EML6: variants seen among roughly 807,000 people sequenced by gnomAD.
EML6 encodes EMAP like 6, also known as echinoderm microtubule-associated protein-like 6.
EML6 carries 154 observed loss-of-function variants against 240.1 expected under a neutral mutation model. The observed-to-expected ratio is 0.64, with a 90% CI of 0.56 to 0.73. The LOEUF is 0.73. EML6 is among the 30% of genes least tolerant of loss of function. EML6 has a pLI of 0.00. For missense variants in EML6, 2,964 were observed against 2,474.6 expected (o/e 1.20, Z -4.20); for synonymous variants, 1,148 against 899.0 (o/e 1.28, Z -4.95).
intron 2 of EML6, among the ~76,000 whole-genome samples, chr2:54,772,968 G>C (rs1668459560): frequency 6.6e-6 from 1 of 152,230 alleles, no homozygotes; most frequent in African/African-American, 2.4e-5. Context: ...TGAGAGCTTA[G>C]GTGTTGGTTA....
At chr2:54,855,745 A>G (rs1002171463) in intron 11 of EML6, among the ~76,000 whole-genome samples, 3 of 152,132 alleles carry the variant, frequency 2.0e-5, no homozygotes, top group African/African-American at 7.2e-5. Context: ...TTCATGACAC[A>G]TGGCTTATAA....
intron 26 of EML6, among the ~76,000 whole-genome samples, chr2:54,918,271 A>G (rs554554472): frequency 6.6e-6 from 1 of 152,212 alleles, no homozygotes; most frequent in Non-Finnish European, 1.5e-5. Flanking sequence ...AGAAAAAAAG[A>G]CAGACTGGAA....
At chr2:54,823,959 GT>G (rs1668465136) in intron 5 of EML6, among the ~76,000 whole-genome samples, 1 of 150,650 alleles carries the variant, frequency 6.6e-6, no homozygotes, top group Non-Finnish European at 1.5e-5. Flanking sequence ...ATGGAACCCA[GT>G]AGGGGCACAA....
At position 54,871,485 on chromosome 2, in the gene EML6, A is replaced by C. The variant is rs1403781227; in HGVS notation, c.2239-15A>C. Reference sequence around the variant, plus strand: ...AACGTGTTAGTAGTTAATAACAGTCATTCTGTTATTTAAGGTTGGAAGAGA... The same window carrying C: ...AACGTGTTAGTAGTTAATAACAGTCCTTCTGTTATTTAAGGTTGGAAGAGA... On this transcript the variant is annotated splice_polypyrimidine_tract_variant and intron_variant, in intron 15 of 41. Transcript: ENST00000356458. The C allele has an allele frequency of 1.3e-6, 2 of 1,504,316 alleles. No homozygotes were observed. The highest frequency in any genetic ancestry group is 1.8e-6 in the Non-Finnish European group (2 of 1,103,480). The allele number at this position is 1,504,316 out of a possible 1,614,324, so 93.2% of individuals were successfully genotyped here.
At chr2:54,799,209 C>T (rs924122380) in intron 2 of EML6, among the ~76,000 whole-genome samples, 2 of 152,088 alleles carry the variant, frequency 1.3e-5, no homozygotes, top group Non-Finnish European at 2.9e-5. Context: ...TACAGGTGTG[C>T]ACCACCATGC....
intron 12 of EML6, among the ~76,000 whole-genome samples, chr2:54,862,084 C>G (rs1178648280): frequency 6.6e-6 from 1 of 151,784 alleles, no homozygotes; most frequent in African/African-American, 2.4e-5. Flanking sequence ...GACTGTAATC[C>G]CAGCACTTTG....
At chr2:54,755,249 C>T (rs914125487) in intron 2 of EML6, among the ~76,000 whole-genome samples, 3 of 152,202 alleles carry the variant, frequency 2.0e-5, no homozygotes, top group African/African-American at 7.2e-5. Flanking sequence ...CTTGCACTGA[C>T]GCCACGCTGT....
chr2:54,867,910 C>G (rs181864549), intron 14 of EML6: 2 of 152,072 alleles, frequency 1.3e-5, no homozygotes, highest in Admixed American at 6.5e-5. Flanking sequence ...CCATGTCATA[C>G]CCTCTGCAAG....
chr2:54,871,610 G>A lies in EML6; in HGVS notation c.2344+5G>A. The A allele has an allele frequency of 6.5e-7, 1 of 1,539,362 alleles. No individual in the cohort carries two copies. Among genetic ancestry groups the A allele is most frequent in the Non-Finnish European group, 8.8e-7 (1 of 1,135,692 alleles). ...TGTGTGCACTTGATTTTTCAGGTAA[G>A]GTCCAGAGTGATTGACACATGGTTC... On this transcript the variant is annotated splice_donor_5th_base_variant and intron_variant, in intron 16 of 41. Coordinates refer to ENST00000356458, the MANE Select transcript of EML6 (RefSeq NM_001039753.4).
At chr2:54,958,065 C>T in intron 33 of EML6, 67 bp downstream of exon 33, 3 of 1,394,548 alleles carry the variant, frequency 2.2e-6, no homozygotes, top group Non-Finnish European at 2.9e-6. Context: ...TGGGCATGGG[C>T]AGGAGGGGAG....
chr2:54,854,471 T>C (rs1392171995), intron 11 of EML6, among the ~76,000 whole-genome samples: 2 of 152,374 alleles, frequency 1.3e-5, no homozygotes, highest in East Asian at 1.9e-4. Context: ...GAATTAACCA[T>C]GTAATGACCT....
intron 28 of EML6, among the ~76,000 whole-genome samples, chr2:54,940,445 G>A (rs974443711): frequency 1.3e-5 from 2 of 152,076 alleles, no homozygotes; most frequent in African/African-American, 4.8e-5. Context: ...TTATTAGTCT[G>A]TGGCGTCAAT....
chr2:54,899,814 G>C, intron 22 of EML6, 32 bp downstream of exon 22: 1 of 1,526,456 alleles, frequency 6.6e-7, no homozygotes, highest in Non-Finnish European at 8.9e-7. Context: ...ATCTGTCAGA[G>C]TATTTACAAG....
intron 28 of EML6, among the ~76,000 whole-genome samples, chr2:54,945,712 C>T (rs1232621391): frequency 1.3e-5 from 2 of 152,230 alleles, no homozygotes; most frequent in Non-Finnish European, 2.9e-5. Flanking sequence ...GCTCTGTCAG[C>T]CCAGTGCCTT....
At chr2:54,830,611 T>G (rs987542643) in intron 7 of EML6, among the ~76,000 whole-genome samples, 5 of 152,166 alleles carry the variant, frequency 3.3e-5, no homozygotes, top group Non-Finnish European at 7.3e-5. Flanking sequence ...CATGTGGCAG[T>G]GCGCGGTGCT....
At chr2:54,878,355 C>A (rs888455351) in intron 16 of EML6, among the ~76,000 whole-genome samples, 1 of 152,098 alleles carries the variant, frequency 6.6e-6, no homozygotes, top group Non-Finnish European at 1.5e-5. Context: ...CAGAGAAGAG[C>A]CCTGATATAC....
At chr2:54,907,937 TAGATAGATAAGATAGATAGATAGA>T (rs1454744958) in intron 24 of EML6, among the ~76,000 whole-genome samples, 2 of 38,934 alleles carry the variant, frequency 5.1e-5, no homozygotes, top group Non-Finnish European at 1.1e-4. Context: ...GATAGATAGA[TAGATAGATAAGATAGATAGATAGA>T]TAGATAGATA....
intron 26 of EML6, among the ~76,000 whole-genome samples, chr2:54,918,004 C>T (rs1243122713): frequency 6.6e-6 from 1 of 152,184 alleles, no homozygotes. Context: ...ATGGCATTGG[C>T]CCTTTTGGCT....
At chr2:54,783,957 A>AT (rs1002302878) in intron 2 of EML6, among the ~76,000 whole-genome samples, 2 of 151,140 alleles carry the variant, frequency 1.3e-5, no homozygotes, top group Non-Finnish European at 3.0e-5. Context: ...AACTGTTTCA[A>AT]TTTTTTTTTG....
Sources: gnomAD v4.1 joint callset for allele counts (sites outside exome capture counted in the v4.1 genomes callset) on GRCh38, gnomAD v4.1.1 for gene constraint, MANE v1.5 for transcripts, NCBI Gene and HGNC (gene_info 2026-07-23, HGNC 2026-07-21) for gene names.